IL21: variants seen among roughly 807,000 people sequenced by gnomAD.
IL21 encodes the protein interleukin 21, also known as interleukin-21.
Under a neutral mutation model 18.4 loss-of-function variants are expected in IL21, and 3 were observed. The ratio of observed to expected loss-of-function variants is 0.16; its 90% CI spans 0.07 to 0.42. IL21 has a LOEUF of 0.42. IL21 is among the 10% of genes least tolerant of loss of function. The pLI is 0.99. For synonymous variants in IL21, 37 were observed against 62.0 expected (o/e 0.60, Z 1.90); for missense variants, 130 against 188.4 (o/e 0.69, Z 1.81).
At chr4:122,613,446 G>T (rs1230573560) in intron 3 of IL21, among the ~76,000 whole-genome samples, 3 of 150,564 alleles carry the variant, frequency 2.0e-5, no homozygotes, top group African/African-American at 4.9e-5. Flanking sequence ...CCACCTCCTG[G>T]ATTCAAGCAA....
In IL21 at chr4:122,611,818, C is replaced by T. The variant is rs541285861; in HGVS notation, c.*892G>A. 1.1e-3 allele frequency among the ~76,000 whole-genome samples: 163 copies of T among 152,074 alleles called. No homozygotes were observed. The highest frequency in any genetic ancestry group is 3.6e-3 in the African/African-American group (151 of 41,490). ...TTTTAAAAAGAAGGAAGAAAAGAAACGAAAGAAGAAAGAAGGAGACAAATA... is the reference window on the plus strand; with the variant it reads ...TTTTAAAAAGAAGGAAGAAAAGAAATGAAAGAAGAAAGAAGGAGACAAATA... On this transcript the variant is annotated 3_prime_UTR_variant, in exon 5 of 5. Transcript: ENST00000648588.
chr4:122,618,360 A>G (rs1001326555), intron 2 of IL21, among the ~76,000 whole-genome samples: 3 of 151,888 alleles, frequency 2.0e-5, no homozygotes, highest in Admixed American at 6.6e-5. Flanking sequence ...ACCTCAAGCA[A>G]TCCTCCAAAC....
chr4:122,613,968 AG>A (rs1415807274), intron 3 of IL21, among the ~76,000 whole-genome samples: 1 of 152,208 alleles, frequency 6.6e-6, no homozygotes, highest in African/African-American at 2.4e-5. Context: ...ATTTTTAAAA[AG>A]CTTTCTTAGT....
Position 122,615,771 on chromosome 4 carries a change from T to G in IL21, c.271A>C (p.Asn91His), listed in dbSNP as rs773167341. ...KAQLKSANTG[N>H]NERIINVSIK... ...GATACATTGATTATCCTTTCATTGTTTCCTGTATTTGCTGACTTTAGTTGG... is the reference window on the plus strand; with the variant it reads ...GATACATTGATTATCCTTTCATTGTGTCCTGTATTTGCTGACTTTAGTTGG... Residue 91 changes from asparagine (N) to histidine (H), a missense_variant, in exon 3 of 5, where the codon AAC becomes CAC. Asn to His is a moderately conservative substitution (Grantham distance 68, BLOSUM62 1). Transcript: ENST00000648588. 8.1e-6 allele frequency: 13 copies of G among 1,613,556 alleles called. No individual in the cohort carries two copies. The highest frequency in any genetic ancestry group is 1.1e-5 in the South Asian group (1 of 91,048).
rs938626870 is a variant in IL21 at position 122,610,533 on chromosome 4, T to C, written c.*2177A>G. Among the ~76,000 whole-genome samples the C allele has an allele frequency of 2.0e-5, 3 of 152,202 alleles. No individual in the cohort carries two copies. Among genetic ancestry groups the C allele is most frequent in the African/African-American group, 7.2e-5 (3 of 41,452 alleles). On this transcript the variant is annotated 3_prime_UTR_variant, in exon 5 of 5. Transcript: ENST00000648588. ...TTTTACTCAGAAGTATGATCAGATG[T>C]TTCTGTAAGAATACCCAGAACTTTA...
chr4:122,615,808 G>A lies in IL21; in HGVS notation c.234C>T (p.Cys78=), dbSNP rs4833837. 1,150,834 of 1,610,618 alleles carry A rather than the reference G, an allele frequency of 0.71. 417,225 individuals are homozygous for A. The highest frequency in any genetic ancestry group is 0.93 in the African/African-American group (69,412 of 74,974). The change falls in exon 3 of 5, where the codon TGC becomes TGT. Residue 78 remains cysteine, a synonymous_variant. Coordinates refer to ENST00000648588, the MANE Select transcript of IL21 (RefSeq NM_021803.4). The part of the protein sequence containing the change: ...ETNCEWSAFS[C]FQKAQLKSAN... ...CTGACTTTAGTTGGGCCTTCTGAAA[G>A]CAGGAAAAAGCTGACCACTCACAGT...
Position 122,612,007 on chromosome 4 carries a change from G to T in IL21, c.*703C>A, listed in dbSNP as rs921836833. Reference sequence around the variant, plus strand: ...AGCTTAAAATGTTAGCTTATAAGGGGACTGGGGGCTGGAGGAAGGTAATAT... The same window carrying T: ...AGCTTAAAATGTTAGCTTATAAGGGTACTGGGGGCTGGAGGAAGGTAATAT... On this transcript the variant is annotated 3_prime_UTR_variant, in exon 5 of 5. Coordinates refer to ENST00000648588, the MANE Select transcript of IL21 (RefSeq NM_021803.4). Among the ~76,000 whole-genome samples the T allele has an allele frequency of 6.6e-6, 1 of 152,022 alleles. No homozygotes were observed. Among genetic ancestry groups the T allele is most frequent in the Admixed American group, 6.6e-5 (1 of 15,256 alleles).
rs552725449 is a variant in IL21 at position 122,612,110 on chromosome 4, A to G, written c.*600T>C. Among the ~76,000 whole-genome samples, 6 of 152,040 alleles carry G rather than the reference A, an allele frequency of 3.9e-5. No homozygotes were observed. The highest frequency in any genetic ancestry group is 1.2e-4 in the African/African-American group (5 of 41,482). ...ATACATTCATATCTATAGTATTTAAATATTTTTATAAACCCCAATAAAGAA... is the reference window on the plus strand; with the variant it reads ...ATACATTCATATCTATAGTATTTAAGTATTTTTATAAACCCCAATAAAGAA... On this transcript the variant is annotated 3_prime_UTR_variant, in exon 5 of 5. Coordinates refer to ENST00000648588, the MANE Select transcript of IL21 (RefSeq NM_021803.4).
At chr4:122,620,433 A>T (rs1427401970) in intron 2 of IL21, among the ~76,000 whole-genome samples, 1 of 152,190 alleles carries the variant, frequency 6.6e-6, no homozygotes. Context: ...TAGTTTTGTT[A>T]TTCTGTCTCA....
intron 2 of IL21, among the ~76,000 whole-genome samples, chr4:122,618,419 C>T (rs1334619872): frequency 6.6e-6 from 1 of 152,062 alleles, no homozygotes; most frequent in Non-Finnish European, 1.5e-5. Flanking sequence ...GCAGGAGCCA[C>T]TTCACCCAGC....
chr4:122,620,621 T>C, intron 2 of IL21, 80 bp downstream of exon 2: 1 of 1,177,634 alleles, frequency 8.5e-7, no homozygotes, highest in Non-Finnish European at 1.2e-6. Context: ...TACTCCTATA[T>C]AATCATGCTA....
rs1396912426 is a variant in IL21 at position 122,612,535 on chromosome 4, A to G, written c.*175T>C. On this transcript the variant is annotated 3_prime_UTR_variant, in exon 5 of 5. Coordinates refer to ENST00000648588, the MANE Select transcript of IL21 (RefSeq NM_021803.4). Reference sequence around the variant, plus strand: ...TTCAGAAGTCATAGAAATCAATAACATAGGAAATCAGACTATTGTATAGTG... The same window carrying G: ...TTCAGAAGTCATAGAAATCAATAACGTAGGAAATCAGACTATTGTATAGTG... 1 of 449,346 alleles carries G rather than the reference A, an allele frequency of 2.2e-6. No individual in the cohort carries two copies. Among genetic ancestry groups the G allele is most frequent in the Non-Finnish European group, 3.9e-6 (1 of 255,662 alleles). 27.8% of individuals were successfully genotyped at this position (449,346 alleles called of 1,614,324 possible). A position where few individuals can be genotyped will look rare whatever the true frequency, so the allele number is the denominator to read the frequency against.
chr4:122,613,678 A>G (rs1025078555), intron 3 of IL21, among the ~76,000 whole-genome samples: 1 of 151,974 alleles, frequency 6.6e-6, no homozygotes. Flanking sequence ...TTTTGTCTAC[A>G]TTACTCCAAA....
rs1009698782 is a variant in IL21, at chr4:122,612,235, T to G, written c.*475A>C. On this transcript the variant is annotated 3_prime_UTR_variant, in exon 5 of 5. Coordinates refer to ENST00000648588, the MANE Select transcript of IL21 (RefSeq NM_021803.4). ...ATTTAAAAAACTATTCAGATATAAG[T>G]TTTTAAACACTCAGTTTTCATTTCC... Among the ~76,000 whole-genome samples, 2 of 152,010 alleles carry G rather than the reference T, an allele frequency of 1.3e-5. No homozygotes were observed. Among genetic ancestry groups the G allele is most frequent in the African/African-American group, 2.4e-5 (1 of 41,408 alleles).
rs374848762 is a variant in IL21, at chr4:122,620,756, G to C, written c.169-20C>G. On this transcript the variant is annotated intron_variant, in intron 1 of 4. Transcript: ENST00000648588. Reference sequence around the variant, plus strand: ...AGGGACCTAGAGCAAAAGAAAATTTGTTCTGAGTTATTTTTATAAGCCAAA... The same window carrying C: ...AGGGACCTAGAGCAAAAGAAAATTTCTTCTGAGTTATTTTTATAAGCCAAA... 1 of 1,613,350 alleles carries C rather than the reference G, an allele frequency of 6.2e-7. No individual in the cohort carries two copies. The highest frequency in any genetic ancestry group is 8.5e-7 in the Non-Finnish European group (1 of 1,179,652).
Position 122,611,380 on chromosome 4 carries a change from G to GTAT in IL21, c.*1327_*1329dup, listed in dbSNP as rs1696144664. 6.6e-6 allele frequency among the ~76,000 whole-genome samples: 1 copy of GTAT among 152,096 alleles called. No individual in the cohort carries two copies. The highest frequency in any genetic ancestry group is 2.4e-5 in the African/African-American group (1 of 41,426). On this transcript the variant is annotated 3_prime_UTR_variant, in exon 5 of 5. Coordinates refer to ENST00000648588, the MANE Select transcript of IL21 (RefSeq NM_021803.4). ...TCTTTTAGAACTGTAGGTTAAGTCT[G>GTAT]TATTTGTTTTAAGCACATAATTTTT...
chr4:122,612,253 T>C lies in IL21; in HGVS notation c.*457A>G, dbSNP rs1799272121. 6.6e-6 allele frequency among the ~76,000 whole-genome samples: 1 copy of C among 152,070 alleles called. No individual in the cohort carries two copies. Among genetic ancestry groups the C allele is most frequent in the African/African-American group, 2.4e-5 (1 of 41,416 alleles). On this transcript the variant is annotated 3_prime_UTR_variant, in exon 5 of 5. Transcript: ENST00000648588. ...ATATAAGTTTTTAAACACTCAGTTT[T>C]CATTTCCTTAAAAGAATAAAGATGT...
chr4:122,617,776 G>A (rs531803768), intron 2 of IL21, among the ~76,000 whole-genome samples: 1 of 152,356 alleles, frequency 6.6e-6, no homozygotes, highest in African/African-American at 2.4e-5. Context: ...AAGCAGCAGA[G>A]CTGTGTCTGG....
At chr4:122,615,531 A>T in intron 3 of IL21, 151 bp downstream of exon 3, 2 of 294,892 alleles carry the variant, frequency 6.8e-6, no homozygotes, top group Non-Finnish European at 9.6e-6. Flanking sequence ...CTGTCTTAAA[A>T]AAAAAAAAAA....
Sources: allele counts gnomAD v4.1 joint callset (sites outside exome capture counted in the v4.1 genomes callset), GRCh38; gene constraint gnomAD v4.1.1; transcripts MANE v1.5; gene names NCBI Gene and HGNC (gene_info 2026-07-23, HGNC 2026-07-21).